Variants in ERBB4 observed in about 807,000 individuals in gnomAD.
The protein encoded by ERBB4 is receptor tyrosine-protein kinase erbB-4.
A neutral mutation model predicts 158.0 loss-of-function variants in ERBB4; 42 were observed. The observed-to-expected ratio is 0.27, with a 90% CI of 0.21 to 0.34. The LOEUF (loss-of-function observed/expected upper bound fraction) is 0.34. Among genes scored for constraint, ERBB4 ranks in the 10% least tolerant of loss-of-function variants. The probability of loss-of-function intolerance (pLI) is 1.00; values close to 1 mark genes in which losing one functional copy is unlikely to be tolerated. For missense variants in ERBB4, 1,333 were observed against 1,624.1 expected (o/e 0.82, Z 3.08); for synonymous variants, 583 against 558.7 (o/e 1.04, Z -0.61).
intron 19 of ERBB4, among the ~76,000 whole-genome samples, chr2:211,580,340 C>A (rs1026273545): frequency 6.6e-6 from 1 of 151,844 alleles, no homozygotes; most frequent in Non-Finnish European, 1.5e-5. Context: ...GCTAAGGACA[C>A]GAATAGACAA....
chr2:211,754,533 T>C (rs1481821902), intron 4 of ERBB4, among the ~76,000 whole-genome samples: 1 of 150,780 alleles, frequency 6.6e-6, no homozygotes, highest in Non-Finnish European at 1.5e-5. Flanking sequence ...CCCGAGTAGC[T>C]GGGATTACAG....
intron 2 of ERBB4, among the ~76,000 whole-genome samples, chr2:212,080,062 T>G (rs2125464137): frequency 6.6e-6 from 1 of 152,120 alleles, no homozygotes; most frequent in Middle Eastern, 3.4e-3. Flanking sequence ...GTGTGATGGC[T>G]CACACCTGTA....
At chr2:212,455,438 C>G (rs1403985292) in intron 1 of ERBB4, among the ~76,000 whole-genome samples, 1 of 152,124 alleles carries the variant, frequency 6.6e-6, no homozygotes, top group South Asian at 2.1e-4. Flanking sequence ...TGAAAATATT[C>G]TCTCTGCATT....
intron 1 of ERBB4, chr2:212,426,220 A>G: frequency 2.0e-6 from 1 of 489,690 alleles, no homozygotes; most frequent in South Asian, 1.5e-5. Flanking sequence ...TAAGTTTTGA[A>G]TTGATTTAGT....
intron 1 of ERBB4, among the ~76,000 whole-genome samples, chr2:212,355,441 T>C (rs1479776227): frequency 6.6e-6 from 1 of 152,060 alleles, no homozygotes; most frequent in Non-Finnish European, 1.5e-5. Context: ...ACAAACCTAC[T>C]GAAGTCTTTA....
chr2:212,193,369 G>A (rs1189087166), intron 1 of ERBB4, among the ~76,000 whole-genome samples: 2 of 152,058 alleles, frequency 1.3e-5, no homozygotes, highest in African/African-American at 2.4e-5. Context: ...TAAAAATGGT[G>A]GGGGAGATGT....
At chr2:211,861,109 ATTTATATATATAT>A (rs1237614836) in intron 3 of ERBB4, among the ~76,000 whole-genome samples, 8 of 36,690 alleles carry the variant, frequency 2.2e-4, no homozygotes, top group African/African-American at 8.4e-4. Flanking sequence ...CATTATATAT[ATTTATATATATAT>A]TTTATATATA....
chr2:212,117,895 G>C (rs1376911091), intron 2 of ERBB4, among the ~76,000 whole-genome samples: 1 of 152,084 alleles, frequency 6.6e-6, no homozygotes, highest in Non-Finnish European at 1.5e-5. Context: ...ATATAGATGG[G>C]TGTTGGTAGC....
At chr2:212,240,637 C>CAAAAAAAAAAAAGAAAA (rs2084054874) in intron 1 of ERBB4, among the ~76,000 whole-genome samples, 1 of 35,808 alleles carries the variant, frequency 2.8e-5, no homozygotes, top group African/African-American at 1.1e-4. Flanking sequence ...CACTCTGGCT[C>CAAAAAAAAAAAAGAAAA]AAAAAAAAAA....
chr2:212,402,486 C>T (rs191189938), intron 1 of ERBB4, among the ~76,000 whole-genome samples: 6 of 152,050 alleles, frequency 3.9e-5, no homozygotes, highest in African/African-American at 1.4e-4. Flanking sequence ...TATACACACA[C>T]GAGTTCAAAG....
intron 1 of ERBB4, among the ~76,000 whole-genome samples, chr2:212,341,561 A>G (rs1391157734): frequency 6.6e-6 from 1 of 152,112 alleles, no homozygotes; most frequent in African/African-American, 2.4e-5. Context: ...TGATTGTTCA[A>G]TAATATGAGG....
intron 20 of ERBB4, among the ~76,000 whole-genome samples, chr2:211,523,610 G>A (rs1298290612): frequency 2.0e-5 from 3 of 151,728 alleles, no homozygotes; most frequent in Non-Finnish European, 4.4e-5. Flanking sequence ...AGCTCTCAAG[G>A]CTGCGCGTCT....
At chr2:212,340,283 G>A (rs555566505) in intron 1 of ERBB4, among the ~76,000 whole-genome samples, 22 of 152,030 alleles carry the variant, frequency 1.4e-4, no homozygotes, top group East Asian at 9.7e-4. Context: ...CCAACCTTTC[G>A]GGCATCAGGA....
chr2:211,752,592 C>G (rs1257980596), intron 4 of ERBB4, among the ~76,000 whole-genome samples: 2 of 151,556 alleles, frequency 1.3e-5, no homozygotes, highest in East Asian at 3.9e-4. Flanking sequence ...AAGGAAGGAG[C>G]TAAGTAACAA....
intron 1 of ERBB4, among the ~76,000 whole-genome samples, chr2:212,164,322 C>T (rs1280254845): frequency 4.0e-5 from 6 of 151,708 alleles, no homozygotes; most frequent in East Asian, 1.9e-4. Flanking sequence ...TATAAAGTAT[C>T]GAAAACAACA....
chr2:212,292,428 C>T (rs1228186166), intron 1 of ERBB4, among the ~76,000 whole-genome samples: 2 of 151,964 alleles, frequency 1.3e-5, no homozygotes, highest in Non-Finnish European at 2.9e-5. Flanking sequence ...GAATGCTCCA[C>T]TTCTACCAAT....
chr2:211,455,134 G>C (rs771728212), intron 20 of ERBB4, among the ~76,000 whole-genome samples: 4 of 152,192 alleles, frequency 2.6e-5, no homozygotes, highest in Non-Finnish European at 5.9e-5. Context: ...CAGTAGAACA[G>C]AAATTACTCT....
chr2:211,785,821 C>A (rs2076148566), intron 4 of ERBB4, among the ~76,000 whole-genome samples: 1 of 152,102 alleles, frequency 6.6e-6, no homozygotes, highest in Non-Finnish European at 1.5e-5. Flanking sequence ...ATAAATGTAT[C>A]TCAACCTAAC....
At chr2:211,730,860 C>A (rs755665137) in intron 5 of ERBB4, among the ~76,000 whole-genome samples, 2 of 151,958 alleles carry the variant, frequency 1.3e-5, no homozygotes, top group Non-Finnish European at 2.9e-5. Flanking sequence ...GAGTTGAGAA[C>A]CTTTATTCTA....
Sources: allele counts gnomAD v4.1 joint callset (sites outside exome capture counted in the v4.1 genomes callset), GRCh38; gene constraint gnomAD v4.1.1; transcripts MANE v1.5; gene names NCBI Gene and HGNC (gene_info 2026-07-23, HGNC 2026-07-21).